Variants in TUSC3 observed in about 807,000 individuals in gnomAD.
TUSC3 encodes dolichyl-diphosphooligosaccharide--protein glycosyltransferase subunit TUSC3.
TUSC3 carries 45 observed loss-of-function variants against 44.8 expected under a neutral mutation model. The observed-to-expected ratio is 1.00, with a 90% CI of 0.79 to 1.29. TUSC3 has a LOEUF of 1.29. Among genes scored for constraint, TUSC3 ranks in the 50% most tolerant of loss-of-function variants. The pLI, the probability that TUSC3 is intolerant of heterozygous loss-of-function variation, is 0.00. For missense variants in TUSC3, 519 were observed against 437.9 expected, an observed-to-expected ratio of 1.19 and a Z score of -1.65; for synonymous variants, 212 against 152.9, an observed-to-expected ratio of 1.39 and a Z score of -2.85.
rs1812263829 is a variant in TUSC3, at chr8:15,764,224, A to C, written c.*68A>C. ...TCAGCTTTTTAATTAAATGAAGCCA[A>C]GTGGGATTTGCATAAAGTGAATGTT... On this transcript the variant is annotated 3_prime_UTR_variant, in exon 11 of 11. Coordinates refer to ENST00000503731, the MANE Select transcript of TUSC3 (RefSeq NM_006765.4). 1 of 1,606,888 alleles carries C rather than the reference A, an allele frequency of 6.2e-7. No homozygotes were observed. Among genetic ancestry groups the C allele is most frequent in the East Asian group, 2.2e-5 (1 of 44,606 alleles).
intron 1 of TUSC3, among the ~76,000 whole-genome samples, chr8:15,459,239 A>T (rs939542933): frequency 1.3e-5 from 2 of 152,196 alleles, no homozygotes; most frequent in Non-Finnish European, 2.9e-5. Flanking sequence ...ATATTAGTTT[A>T]TATCCAATAA....
intron 1 of TUSC3, among the ~76,000 whole-genome samples, chr8:15,463,215 A>C (rs772708106): frequency 9.9e-5 from 15 of 152,102 alleles, no homozygotes; most frequent in Non-Finnish European, 1.6e-4. Flanking sequence ...AGACTGATTT[A>C]CTACAAATTA....
intron 2 of TUSC3, among the ~76,000 whole-genome samples, chr8:15,631,258 C>T (rs991744002): frequency 6.6e-6 from 1 of 152,126 alleles, no homozygotes; most frequent in Non-Finnish European, 1.5e-5. Context: ...ACATTGAAGG[C>T]ATATGACGTA....
chr8:15,481,269 G>T (rs974958024), intron 1 of TUSC3, among the ~76,000 whole-genome samples: 3 of 141,852 alleles, frequency 2.1e-5, no homozygotes, highest in Non-Finnish European at 4.6e-5. Flanking sequence ...AAAAAAAAAA[G>T]TGGGGTCTTT....
intron 1 of TUSC3, among the ~76,000 whole-genome samples, chr8:15,583,052 G>A (rs746271670): frequency 3.3e-5 from 5 of 152,086 alleles, no homozygotes; most frequent in Non-Finnish European, 7.4e-5. Context: ...TGACCATGAA[G>A]TTGATCAATA....
intron 5 of TUSC3, among the ~76,000 whole-genome samples, chr8:15,664,122 A>G (rs1221821656): frequency 6.6e-6 from 1 of 151,742 alleles, no homozygotes; most frequent in Non-Finnish European, 1.5e-5. Flanking sequence ...AACTGTGCAA[A>G]GGAATTTATA....
intron 9 of TUSC3, among the ~76,000 whole-genome samples, chr8:15,754,407 A>G (rs2129221488): frequency 6.6e-6 from 1 of 152,220 alleles, no homozygotes; most frequent in African/African-American, 2.4e-5. Context: ...GACTTCCCCA[A>G]TTTTAACATG....
intron 6 of TUSC3, among the ~76,000 whole-genome samples, chr8:15,693,774 C>T (rs1809026835): frequency 6.6e-6 from 1 of 152,226 alleles, no homozygotes; most frequent in African/African-American, 2.4e-5. Flanking sequence ...CTTACAGGGA[C>T]ACCAGTGAGT....
chr8:15,683,229 A>G (rs1350560514), intron 6 of TUSC3, among the ~76,000 whole-genome samples: 2 of 152,220 alleles, frequency 1.3e-5, no homozygotes, highest in East Asian at 3.8e-4. Flanking sequence ...TGTGGGTTAT[A>G]TCCTCAAATA....
At chr8:15,700,151 C>T (rs1287695943) in intron 6 of TUSC3, among the ~76,000 whole-genome samples, 1 of 152,144 alleles carries the variant, frequency 6.6e-6, no homozygotes, top group Non-Finnish European at 1.5e-5. Context: ...CATTTCAACT[C>T]CAAATAATCT....
chr8:15,734,008 A>T (rs1179614229), intron 7 of TUSC3, among the ~76,000 whole-genome samples: 1 of 152,142 alleles, frequency 6.6e-6, no homozygotes, highest in African/African-American at 2.4e-5. Flanking sequence ...CACACACTAC[A>T]CTTGAATCTG....
intron 6 of TUSC3, among the ~76,000 whole-genome samples, chr8:15,690,038 A>G (rs566714109): frequency 6.6e-6 from 1 of 152,152 alleles, no homozygotes; most frequent in East Asian, 1.9e-4. Flanking sequence ...CAATAATGGG[A>G]TGGCTGGGTC....
chr8:15,833,096 G>C, the TUSC3 span, among the ~76,000 whole-genome samples: 6 of 152,198 alleles, frequency 3.9e-5, no homozygotes, highest in East Asian at 1.2e-3. Context: ...TGACCAACAA[G>C]CATATAAGTA....
the TUSC3 span, among the ~76,000 whole-genome samples, chr8:15,839,064 G>A: frequency 3.9e-5 from 6 of 152,144 alleles, no homozygotes; most frequent in East Asian, 1.9e-4. Context: ...TCCTTGAAGA[G>A]GTCCTTCACA....
At chr8:15,482,912 C>A (rs1563262819) in intron 1 of TUSC3, among the ~76,000 whole-genome samples, 1 of 152,176 alleles carries the variant, frequency 6.6e-6, no homozygotes, top group South Asian at 2.1e-4. Flanking sequence ...ATTTATTACA[C>A]ATTACTTTAA....
chr8:15,846,372 A>C, the TUSC3 span, among the ~76,000 whole-genome samples: 5 of 152,190 alleles, frequency 3.3e-5, no homozygotes, highest in Non-Finnish European at 7.3e-5. Context: ...GCTACTGAAT[A>C]TATACCCAAA....
chr8:15,530,769 G>T (rs1287606746), intron 2 of TUSC3, among the ~76,000 whole-genome samples: 1 of 152,162 alleles, frequency 6.6e-6, no homozygotes, highest in East Asian at 1.9e-4. Flanking sequence ...TTTGTAATAA[G>T]TTTTTTATAT....
At chr8:15,488,683 G>C (rs76227414) in intron 2 of TUSC3, among the ~76,000 whole-genome samples, 4,613 of 152,176 alleles carry the variant, frequency 0.03, 96 homozygotes, top group Middle Eastern at 0.051. Flanking sequence ...TCTTTATAAG[G>C]AAAGAAAGAT....
chr8:15,628,138 C>A (rs1218730147), intron 2 of TUSC3, among the ~76,000 whole-genome samples: 2 of 152,038 alleles, frequency 1.3e-5, no homozygotes, highest in Admixed American at 6.5e-5. Flanking sequence ...TTAAGAAAAT[C>A]TTTTTTTGTT....
Sources: allele counts gnomAD v4.1 joint callset (sites outside exome capture counted in the v4.1 genomes callset), GRCh38; gene constraint gnomAD v4.1.1; transcripts MANE v1.5; gene names NCBI Gene and HGNC (gene_info 2026-07-23, HGNC 2026-07-21).